SDK1: variants seen among roughly 807,000 people sequenced by gnomAD.
The protein encoded by SDK1 is sidekick cell adhesion molecule 1.
Under a neutral mutation model 245.5 loss-of-function variants are expected in SDK1, and 157 were observed. The ratio of observed to expected loss-of-function variants is 0.64; its 90% CI spans 0.56 to 0.73. SDK1 has a LOEUF of 0.73. Among genes scored for constraint, SDK1 ranks in the 30% least tolerant of loss-of-function variants. The probability of loss-of-function intolerance (pLI) is 0.00; values close to 1 mark genes in which losing one functional copy is unlikely to be tolerated. For synonymous variants in SDK1, 1,647 were observed against 1,278.5 expected (o/e 1.29, Z -6.15); for missense variants, 3,583 against 3,002.3 (o/e 1.19, Z -4.52).
intron 1 of SDK1, among the ~76,000 whole-genome samples, chr7:3,455,361 G>C (rs764344407): frequency 6.8e-6 from 1 of 147,772 alleles, no homozygotes; most frequent in Non-Finnish European, 1.5e-5. Flanking sequence ...CCTACCATTA[G>C]TTCCTGAAGA....
intron 2 of SDK1, among the ~76,000 whole-genome samples, chr7:3,624,456 C>T (rs1376766325): frequency 6.6e-6 from 1 of 152,034 alleles, no homozygotes; most frequent in East Asian, 1.9e-4. Flanking sequence ...GCCTTGACCT[C>T]CCAAAGTACT....
intron 1 of SDK1, among the ~76,000 whole-genome samples, chr7:3,436,942 A>C (rs1780039323): frequency 6.6e-6 from 1 of 152,212 alleles, no homozygotes; most frequent in Non-Finnish European, 1.5e-5. Flanking sequence ...ATTGAGCAAA[A>C]AATGTAGAAC....
chr7:4,160,865 G>C (rs1467519339), intron 31 of SDK1, among the ~76,000 whole-genome samples: 1 of 152,200 alleles, frequency 6.6e-6, no homozygotes, highest in East Asian at 1.9e-4. Context: ...GGGCTGAGGA[G>C]GGGGTGTCTG....
chr7:3,643,888 A>T (rs1286278536), intron 4 of SDK1: 1 of 148,600 alleles, frequency 6.7e-6, no homozygotes, highest in East Asian at 1.9e-4. Flanking sequence ...ACTATTAATA[A>T]TTATATAATA....
At chr7:4,215,095 G>A (rs1784717501) in intron 38 of SDK1, among the ~76,000 whole-genome samples, 1 of 152,188 alleles carries the variant, frequency 6.6e-6, no homozygotes, top group Non-Finnish European at 1.5e-5. Flanking sequence ...GATGGTATTG[G>A]CCAGAACCCT....
At chr7:3,672,775 A>ATATATATG (rs1783752382) in intron 4 of SDK1, among the ~76,000 whole-genome samples, 1 of 96,158 alleles carries the variant, frequency 1.0e-5, no homozygotes, top group African/African-American at 3.9e-5. Flanking sequence ...ATATATATAT[A>ATATATATG]TATATATATA....
intron 1 of SDK1, among the ~76,000 whole-genome samples, chr7:3,606,371 G>A (rs950151106): frequency 4.6e-5 from 7 of 152,146 alleles, no homozygotes; most frequent in African/African-American, 1.4e-4. Context: ...AGCACTTGTA[G>A]CCCAGTTGCA....
At chr7:3,390,779 C>T (rs1341931978) in intron 1 of SDK1, among the ~76,000 whole-genome samples, 1 of 152,120 alleles carries the variant, frequency 6.6e-6, no homozygotes, top group Non-Finnish European at 1.5e-5. Flanking sequence ...CAGGAAGGAA[C>T]CAAAGCTACT....
At chr7:3,763,809 C>A (rs1319646562) in intron 4 of SDK1, among the ~76,000 whole-genome samples, 5 of 152,052 alleles carry the variant, frequency 3.3e-5, no homozygotes, top group African/African-American at 1.2e-4. Context: ...CATATTCATA[C>A]ATTAGAATAG....
chr7:4,178,186 G>A (rs562525222), intron 34 of SDK1, among the ~76,000 whole-genome samples: 1 of 152,316 alleles, frequency 6.6e-6, no homozygotes, highest in African/African-American at 2.4e-5. Flanking sequence ...AGTGGCCCAG[G>A]GGTTGGGGAC....
At chr7:3,881,005 A>G (rs1467514809) in intron 5 of SDK1, among the ~76,000 whole-genome samples, 1 of 152,280 alleles carries the variant, frequency 6.6e-6, no homozygotes, top group East Asian at 1.9e-4. Flanking sequence ...AACAAAAGAA[A>G]AGAGAGACCT....
In SDK1 at chr7:3,810,889, G is replaced by T. The variant is rs991625140; in HGVS notation, c.714-10561G>T. The stretch of plus-strand genomic sequence containing the variant: ...CTCTTTGCTAAATTATTACATGTAC[G>T]CTCTTGAGCAGATGGGCTTTGTTTT... On this transcript the variant is annotated intron_variant, in intron 4 of 44. Coordinates refer to ENST00000404826, the MANE Select transcript of SDK1 (RefSeq NM_152744.4). Among the ~76,000 whole-genome samples, 4 of 152,254 alleles carry T rather than the reference G, an allele frequency of 2.6e-5. No homozygotes were observed. In the South Asian group the frequency reaches 8.3e-4, roughly 32 times the overall value.
chr7:3,768,030 G>A (rs1322763264), intron 4 of SDK1, among the ~76,000 whole-genome samples: 2 of 152,160 alleles, frequency 1.3e-5, no homozygotes, highest in African/African-American at 2.4e-5. Flanking sequence ...GTGGAAAGCA[G>A]CAGGGCATTA....
chr7:3,503,350 A>G (rs1317820186), intron 1 of SDK1, among the ~76,000 whole-genome samples: 1 of 152,172 alleles, frequency 6.6e-6, no homozygotes, highest in African/African-American at 2.4e-5. Context: ...ATCTTGTCAG[A>G]CACCTTACAC....
At chr7:3,747,956 C>G (rs73304248) in intron 4 of SDK1, among the ~76,000 whole-genome samples, 1 of 151,612 alleles carries the variant, frequency 6.6e-6, no homozygotes, top group Non-Finnish European at 1.5e-5. Context: ...GAAACTGATA[C>G]GAAAAATAAT....
intron 44 of SDK1, among the ~76,000 whole-genome samples, chr7:4,252,780 A>C (rs1787389658): frequency 2.0e-5 from 3 of 150,318 alleles, no homozygotes; most frequent in Non-Finnish European, 4.4e-5. Context: ...GGAAATTGTT[A>C]ATTACTAGTT....
At chr7:3,556,608 G>C (rs898538411) in intron 1 of SDK1, among the ~76,000 whole-genome samples, 3 of 151,922 alleles carry the variant, frequency 2.0e-5, no homozygotes, top group African/African-American at 7.3e-5. Flanking sequence ...ATTATCTCAG[G>C]TCAGGATTTT....
At chr7:3,633,243 G>A (rs1466274905) in intron 2 of SDK1, among the ~76,000 whole-genome samples, 1 of 152,096 alleles carries the variant, frequency 6.6e-6, no homozygotes, top group African/African-American at 2.4e-5. Flanking sequence ...GATATTGACA[G>A]TCCCCCCACC....
chr7:4,227,383 A>G (rs912791438), intron 40 of SDK1: 3 of 471,088 alleles, frequency 6.4e-6, no homozygotes, highest in African/African-American at 2.0e-5. Flanking sequence ...TTAACATGCA[A>G]TGCATTTTGC....
Sources: gnomAD v4.1 joint callset for allele counts (sites outside exome capture counted in the v4.1 genomes callset) on GRCh38, gnomAD v4.1.1 for gene constraint, MANE v1.5 for transcripts, NCBI Gene and HGNC (gene_info 2026-07-23, HGNC 2026-07-21) for gene names.